The following NUP205 variants were observed in gnomAD, a reference collection of about 807,000 sequenced individuals.
NUP205 encodes the protein nuclear pore complex protein Nup205.
NUP205 carries 76 observed loss-of-function variants against 253.8 expected under a neutral mutation model. The observed-to-expected ratio is 0.30, with a 90% CI of 0.25 to 0.36. The LOEUF (loss-of-function observed/expected upper bound fraction) is 0.36, where lower values mean the gene tolerates loss of function less well. Ranked by LOEUF, NUP205 falls within the 10% of genes least tolerant of loss-of-function variation. The pLI is 1.00. For synonymous variants in NUP205, 832 were observed against 850.1 expected, an observed-to-expected ratio of 0.98 and a Z score of 0.37; for missense variants, 2,162 against 2,425.5, an observed-to-expected ratio of 0.89 and a Z score of 2.28.
intron 23 of NUP205, among the ~76,000 whole-genome samples, 158 bp downstream of exon 23, chr7:135,614,431 G>A (rs934591773): frequency 1.1e-4 from 16 of 152,102 alleles, no homozygotes; most frequent in African/African-American, 3.9e-4. Flanking sequence ...AAAGAAGGCT[G>A]ATATTTTAAC....
intron 7 of NUP205, among the ~76,000 whole-genome samples, chr7:135,582,699 A>G (rs1806341779): frequency 6.6e-6 from 1 of 152,150 alleles, no homozygotes; most frequent in Admixed American, 6.5e-5. Context: ...TCCTGGGCTC[A>G]AGCAATCCTC....
At chr7:135,639,980 T>A (rs1462632901) in intron 38 of NUP205, among the ~76,000 whole-genome samples, 1 of 152,138 alleles carries the variant, frequency 6.6e-6, no homozygotes, top group Non-Finnish European at 1.5e-5. Flanking sequence ...ACACCACATG[T>A]TCTCACTCAT....
chr7:135,595,866 A>G (rs77526542), intron 13 of NUP205, among the ~76,000 whole-genome samples: 5,891 of 152,230 alleles, frequency 0.039, 225 homozygotes, highest in African/African-American at 0.098. Context: ...TGGGATATGT[A>G]TATCTGTCTT....
chr7:135,621,809 C>G (rs1223354535), intron 30 of NUP205, among the ~76,000 whole-genome samples: 4 of 151,848 alleles, frequency 2.6e-5, no homozygotes, highest in Non-Finnish European at 5.9e-5. Flanking sequence ...CTTTTCTTTT[C>G]TTTTGTTTTT....
chr7:135,562,276 A>G (rs1372090892), intron 1 of NUP205, among the ~76,000 whole-genome samples: 1 of 152,062 alleles, frequency 6.6e-6, no homozygotes, highest in Non-Finnish European at 1.5e-5. Context: ...AGCTCACTAC[A>G]ACCTCTGCCT....
At chr7:135,633,809 G>A (rs1359747720) in intron 35 of NUP205, among the ~76,000 whole-genome samples, 1 of 152,102 alleles carries the variant, frequency 6.6e-6, no homozygotes, top group African/African-American at 2.4e-5. Flanking sequence ...AGAAATATAT[G>A]TGCTTAACAT....
intron 38 of NUP205, among the ~76,000 whole-genome samples, chr7:135,642,213 C>T (rs545233732): frequency 6.6e-6 from 1 of 151,728 alleles, no homozygotes; most frequent in South Asian, 2.1e-4. Flanking sequence ...CGAGATCGAA[C>T]CACTGTACTC....
At position 135,628,075 on chromosome 7, in the gene NUP205, A is replaced by T. The variant is rs369904139; in HGVS notation, c.4896A>T (p.Thr1632=). Residue 1632 remains threonine, a synonymous_variant, in exon 34 of 43, where the codon ACA becomes ACT. Coordinates refer to ENST00000285968, the MANE Select transcript of NUP205 (RefSeq NM_015135.3). ...TCCAGCTGTGCCAGGTCATCCTCAC[A>T]TCTAGTATGGCCCAGCACTTGCAGG... ...PALQLCQVIL[T]SSMAQHLQAA... is the part of the protein sequence containing the mutation. 73 of 1,606,878 alleles carry T rather than the reference A, an allele frequency of 4.5e-5. No homozygotes were observed. The highest frequency in any genetic ancestry group is 1.5e-5 in the Non-Finnish European group (18 of 1,177,840).
At position 135,625,330 on chromosome 7, in the gene NUP205, C is replaced by CTTTTTTA. The variant is rs1211923284; in HGVS notation, c.4646_4647insTTTTTTA (p.Leu1550PhefsTer7). ...ACCCCACAGCCTCCCCTTTTAAAAG[C>CTTTTTTA]ACTTTATACTTATGAATCTAAAATG... On this transcript the variant is annotated frameshift_variant, in exon 32 of 43. Transcript: ENST00000285968. LOFTEE classifies it high-confidence loss of function. 3 of 1,600,760 alleles carry CTTTTTTA rather than the reference C, an allele frequency of 1.9e-6. No homozygotes were observed. The highest frequency in any genetic ancestry group is 2.6e-6 in the Non-Finnish European group (3 of 1,175,942).
chr7:135,599,093 CA>C (rs1307611014), intron 15 of NUP205, among the ~76,000 whole-genome samples: 1 of 151,986 alleles, frequency 6.6e-6, no homozygotes, highest in East Asian at 1.9e-4. Context: ...ATTTTGTTGC[CA>C]AAGGAAGGAT....
intron 38 of NUP205, among the ~76,000 whole-genome samples, chr7:135,639,401 T>G (rs1794876401): frequency 6.6e-6 from 1 of 152,178 alleles, no homozygotes; most frequent in African/African-American, 2.4e-5. Context: ...GAAAAGTATA[T>G]TAGTGGCCGG....
At chr7:135,604,284 T>C (rs1263449341) in intron 18 of NUP205, 56 bp from the exon 19 acceptor site, 5 of 1,510,486 alleles carry the variant, frequency 3.3e-6, no homozygotes, top group Non-Finnish European at 4.5e-6. Flanking sequence ...TTATTGAGAA[T>C]AGTGAGACAC....
Position 135,591,529 on chromosome 7 carries a change from A to G in NUP205, c.1553A>G (p.Gln518Arg). The G allele has an allele frequency of 6.2e-7, 1 of 1,614,056 alleles. No individual in the cohort carries two copies. ...TATATTCCTTATTTGAAGATGCTCC[A>G]GGGATTGGCCAATGGGCCTCAGTGT... ...TIYIPYLKML[Q>R]GLANGPQCAH... The change falls in exon 11 of 43, where the codon CAG becomes CGG. Residue 518 changes from glutamine (Q) to arginine (R), a missense_variant. Gln to Arg is a conservative substitution (Grantham distance 43). This residue lies in a region of NUP205 where 892 missense variants were observed against 957.1 expected (regional missense o/e 0.93). Coordinates refer to ENST00000285968, the MANE Select transcript of NUP205 (RefSeq NM_015135.3).
intron 1 of NUP205, among the ~76,000 whole-genome samples, chr7:135,564,247 T>A (rs1447257183): frequency 1.3e-5 from 1 of 76,630 alleles, no homozygotes; most frequent in Non-Finnish European, 3.1e-5. Context: ...GCCCAGCTAT[T>A]TTTTTTTTTT....
At chr7:135,628,217 A>G in intron 34 of NUP205, 106 bp downstream of exon 34, 2 of 1,096,006 alleles carry the variant, frequency 1.8e-6, no homozygotes, top group Non-Finnish European at 2.6e-6. Flanking sequence ...CGTTAGTCCT[A>G]ATGTTTGTGG....
chr7:135,597,768 TG>T (rs1793876938), intron 14 of NUP205: 2 of 495,256 alleles, frequency 4.0e-6, no homozygotes, highest in Non-Finnish European at 7.1e-6. Flanking sequence ...TAAAGATTTC[TG>T]TTTTAAATTC....
Position 135,571,075 on chromosome 7 carries a change from GACGGTGGTTTCATTTATTTTTTCTTTA to G in NUP205, c.29-28_29-2del, listed in dbSNP as rs775351090. On this transcript the variant is annotated splice_region_variant and splice_polypyrimidine_tract_variant and intron_variant, in intron 1 of 42. Coordinates refer to ENST00000285968, the MANE Select transcript of NUP205 (RefSeq NM_015135.3). ...TATTTTTCAAGTGTATGTTTTCTTT[GACGGTGGTTTCATTTATTTTTTCTTTA>G]AGCTGCTAGTCTATGGGGTCCTTAC... The G allele has an allele frequency of 6.6e-7, 1 of 1,523,550 alleles. No homozygotes were observed. The highest frequency in any genetic ancestry group is 1.3e-5 in the South Asian group (1 of 79,838). 94.4% of individuals were successfully genotyped at this position (1,523,550 alleles called of 1,614,324 possible).
chr7:135,602,786 C>T lies in NUP205; in HGVS notation c.2513-19C>T. 2 of 1,582,048 alleles carry T rather than the reference C, an allele frequency of 1.3e-6. No individual in the cohort carries two copies. Among genetic ancestry groups the T allele is most frequent in the Non-Finnish European group, 1.7e-6 (2 of 1,162,196 alleles). On this transcript the variant is annotated intron_variant, in intron 17 of 42. Coordinates refer to ENST00000285968, the MANE Select transcript of NUP205 (RefSeq NM_015135.3). ...TTAAGATAAATTTAGAACTTTCTAA[C>T]TTTATTTTTGGTTGATAGGGAAAAA... is the stretch of plus-strand genomic sequence containing the variant.
At chr7:135,630,582 T>C (rs1584686855) in intron 35 of NUP205, 112 bp downstream of exon 35, 2 of 853,964 alleles carry the variant, frequency 2.3e-6, no homozygotes, top group South Asian at 1.9e-5. Flanking sequence ...TTGAAATTGG[T>C]ACTGCTAACA....
Sources: gnomAD v4.1 joint callset for allele counts (sites outside exome capture counted in the v4.1 genomes callset) on GRCh38, gnomAD v4.1.1 for gene constraint, gnomAD v4.1.1 regional missense constraint, MANE v1.5 for transcripts, NCBI Gene and HGNC (gene_info 2026-07-23, HGNC 2026-07-21) for gene names.